XKR4: variants seen among roughly 807,000 people sequenced by gnomAD.
The protein encoded by XKR4 is XK-related protein 4.
XKR4 carries 12 observed loss-of-function variants against 53.9 expected under a neutral mutation model. The ratio of observed to expected loss-of-function variants is 0.22; its 90% CI spans 0.14 to 0.36. The LOEUF (loss-of-function observed/expected upper bound fraction) is 0.36. Among genes scored for constraint, XKR4 ranks in the 10% least tolerant of loss-of-function variants. XKR4 has a pLI of 1.00. For synonymous variants in XKR4, 354 were observed against 362.4 expected, an observed-to-expected ratio of 0.98 and a Z score of 0.26; for missense variants, 799 against 859.5, an observed-to-expected ratio of 0.93 and a Z score of 0.88.
At chr8:55,116,818 G>A (rs1816314890) in intron 1 of XKR4, among the ~76,000 whole-genome samples, 2 of 152,086 alleles carry the variant, frequency 1.3e-5, no homozygotes, top group Admixed American at 6.6e-5. Flanking sequence ...TCCATGGAGA[G>A]TTACTAAGGT....
chr8:55,461,950 G>A lies in XKR4; in HGVS notation c.1007-61331G>A, dbSNP rs375749197. On this transcript the variant is annotated intron_variant, in intron 2 of 2. Coordinates refer to ENST00000327381, the MANE Select transcript of XKR4 (RefSeq NM_052898.2). ...AAAAGAATACAAAGAAACAAACAAAGCCTCCAAGAAATATGGGACTATGTC... is the reference window on the plus strand; with the variant it reads ...AAAAGAATACAAAGAAACAAACAAAACCTCCAAGAAATATGGGACTATGTC... Among the ~76,000 whole-genome samples, 100 of 152,284 alleles carry A rather than the reference G, an allele frequency of 6.6e-4. 3 individuals are homozygous for A. The South Asian group carries it at 0.019, about 28-fold the overall frequency.
At chr8:55,427,569 C>A (rs754075503) in intron 2 of XKR4, among the ~76,000 whole-genome samples, 2 of 152,136 alleles carry the variant, frequency 1.3e-5, no homozygotes, top group Non-Finnish European at 2.9e-5. Flanking sequence ...ACAAGGGGAA[C>A]AAATTCTCAC....
chr8:55,319,191 AC>A (rs1691710909), intron 1 of XKR4, among the ~76,000 whole-genome samples: 1 of 152,214 alleles, frequency 6.6e-6, no homozygotes, highest in Non-Finnish European at 1.5e-5. Context: ...CTCTTATATT[AC>A]TTTTTTTTCC....
chr8:55,154,554 A>G (rs769929443), intron 1 of XKR4, among the ~76,000 whole-genome samples: 3 of 152,220 alleles, frequency 2.0e-5, no homozygotes, highest in Admixed American at 6.5e-5. Context: ...ACCATGTCCA[A>G]TGTTGGATAG....
At chr8:55,411,879 C>T (rs113551959) in intron 2 of XKR4, among the ~76,000 whole-genome samples, 2,671 of 152,278 alleles carry the variant, frequency 0.018, 29 homozygotes, top group Middle Eastern at 0.037. Context: ...GACGAGAAAT[C>T]CTGTCAGCTA....
intron 1 of XKR4, among the ~76,000 whole-genome samples, chr8:55,216,321 C>T (rs1817796626): frequency 6.6e-6 from 1 of 152,204 alleles, no homozygotes; most frequent in South Asian, 2.1e-4. Flanking sequence ...AATGAGGTGG[C>T]ACATGCCCTG....
chr8:55,345,151 G>A (rs1046462558), intron 1 of XKR4, among the ~76,000 whole-genome samples: 1 of 151,944 alleles, frequency 6.6e-6, no homozygotes, highest in African/African-American at 2.4e-5. Flanking sequence ...GTGTGGTGGT[G>A]CACACCACAC....
chr8:55,388,148 T>A (rs1220239128), intron 2 of XKR4, among the ~76,000 whole-genome samples: 1 of 152,248 alleles, frequency 6.6e-6, no homozygotes, highest in Non-Finnish European at 1.5e-5. Context: ...TACTTTTAAA[T>A]GTTTGCAACC....
At chr8:55,157,851 ATCTC>A (rs201733165) in intron 1 of XKR4, among the ~76,000 whole-genome samples, 1 of 151,994 alleles carries the variant, frequency 6.6e-6, no homozygotes, top group Non-Finnish European at 1.5e-5. Context: ...AAAGGACATG[ATCTC>A]TCTCTCTTTT....
At chr8:55,196,965 C>T (rs906767686) in intron 1 of XKR4, among the ~76,000 whole-genome samples, 10 of 152,044 alleles carry the variant, frequency 6.6e-5, no homozygotes, top group Non-Finnish European at 1.5e-4. Context: ...TCACCTATAG[C>T]CATTTCTGGT....
rs1016910098 is a variant in XKR4, at chr8:55,103,228, C to A, written c.740C>A (p.Ser247Tyr). ...TRASGKHRSASCSFCIWLLQS... is the reference protein window; with the variant it reads ...TRASGKHRSAYCSFCIWLLQS... Reference sequence around the variant, plus strand: ...GCCAGTGGCAAGCACAGGTCTGCGTCCTGCTCCTTCTGCATCTGGCTCCTG... The same window carrying A: ...GCCAGTGGCAAGCACAGGTCTGCGTACTGCTCCTTCTGCATCTGGCTCCTG... Residue 247 changes from serine to tyrosine, a missense_variant, in exon 1 of 3, where the codon TCC becomes TAC. Ser to Tyr is a moderately radical substitution (Grantham distance 144). Around this residue, in one of 3 missense-constraint regions of XKR4, gnomAD observed 476 missense variants for 505.4 expected, o/e 0.94. Coordinates refer to ENST00000327381, the MANE Select transcript of XKR4 (RefSeq NM_052898.2). 6.2e-7 allele frequency: 1 copy of A among 1,613,904 alleles called. No homozygotes were observed. The highest frequency in any genetic ancestry group is 1.3e-5 in the African/African-American group (1 of 74,934).
At chr8:55,430,361 C>G (rs995074344) in intron 2 of XKR4, among the ~76,000 whole-genome samples, 1 of 152,130 alleles carries the variant, frequency 6.6e-6, no homozygotes, top group Non-Finnish European at 1.5e-5. Context: ...AAAGTCATAG[C>G]AGCTTTATTT....
chr8:55,413,762 C>T (rs1039440382), intron 2 of XKR4, among the ~76,000 whole-genome samples: 1 of 152,152 alleles, frequency 6.6e-6, no homozygotes, highest in Non-Finnish European at 1.5e-5. Context: ...TCACAGGTCT[C>T]ACTTAATCCA....
rs5891559 is a variant in XKR4, at chr8:55,139,512, C to CAAAAAA, written c.806+36228_806+36233dup. ...TGGGTGACAGAGCAAGACTCCGTCTCAAAAAAAAAAAAAAAGAGTGCTGGC... is the reference window on the plus strand; with the variant it reads ...TGGGTGACAGAGCAAGACTCCGTCTCAAAAAAAAAAAAAAAAAAAAAGAGTGCTGGC... On this transcript the variant is annotated intron_variant, in intron 1 of 2. Transcript: ENST00000327381. Among the ~76,000 whole-genome samples the CAAAAAA allele has an allele frequency of 8.3e-4, 95 of 114,450 alleles. 4 individuals carry two copies. Among genetic ancestry groups the CAAAAAA allele is most frequent in the African/African-American group, 3.6e-3 (90 of 25,120 alleles). The allele number at this position is 114,450 out of a possible 152,430, so 75.1% of individuals were successfully genotyped here. A position where few individuals can be genotyped will look rare whatever the true frequency, so the allele number is the denominator to read the frequency against.
intron 1 of XKR4, among the ~76,000 whole-genome samples, chr8:55,283,609 G>A (rs1818869013): frequency 6.6e-6 from 1 of 152,212 alleles, no homozygotes. Context: ...TATTTTTGTG[G>A]AGGAGAATGC....
At chr8:55,517,520 A>G (rs1488112893) in intron 2 of XKR4, 1 of 152,250 alleles carries the variant, frequency 6.6e-6, no homozygotes, top group East Asian at 1.9e-4. Flanking sequence ...AAAGGAATGA[A>G]TGATGCTTCA....
intron 1 of XKR4, among the ~76,000 whole-genome samples, chr8:55,332,006 T>C (rs1803389936): frequency 6.6e-5 from 10 of 152,176 alleles, no homozygotes; most frequent in Admixed American, 6.5e-4. Context: ...CTTTTAGCTA[T>C]AGCGTCCATT....
At chr8:55,440,853 G>A (rs924382711) in intron 2 of XKR4, among the ~76,000 whole-genome samples, 6 of 151,598 alleles carry the variant, frequency 4.0e-5, no homozygotes, top group African/African-American at 1.5e-4. Context: ...AAGATTAAAA[G>A]GTAAAAATAT....
intron 1 of XKR4, among the ~76,000 whole-genome samples, chr8:55,356,783 C>G (rs1803801763): frequency 6.6e-6 from 1 of 152,148 alleles, no homozygotes; most frequent in Non-Finnish European, 1.5e-5. Flanking sequence ...CAAGTTTGAA[C>G]TGTGCAGGTC....
Sources: gnomAD v4.1 joint callset for allele counts (sites outside exome capture counted in the v4.1 genomes callset) on GRCh38, gnomAD v4.1.1 for gene constraint, gnomAD v4.1.1 regional missense constraint, MANE v1.5 for transcripts, NCBI Gene and HGNC (gene_info 2026-07-23, HGNC 2026-07-21) for gene names.